Variants in USP22 observed in about 807,000 individuals in gnomAD.
USP22 encodes ubiquitin carboxyl-terminal hydrolase 22.
A neutral mutation model predicts 68.1 loss-of-function variants in USP22; 22 were observed. The observed-to-expected ratio is 0.32, with a 90% CI of 0.23 to 0.46. The LOEUF (loss-of-function observed/expected upper bound fraction) is 0.46, where lower values mean the gene tolerates loss of function less well. USP22 is among the 20% of genes least tolerant of loss of function. The probability of loss-of-function intolerance (pLI) is 1.00; values close to 1 mark genes in which losing one functional copy is unlikely to be tolerated. For synonymous variants in USP22, 279 were observed against 274.2 expected (o/e 1.02, Z -0.17); for missense variants, 433 against 695.8 (o/e 0.62, Z 4.25).
Position 21,042,980 on chromosome 17 carries a change from G to T in USP22, c.-145C>A, listed in dbSNP as rs537880208. 525 of 414,500 alleles carry T rather than the reference G, an allele frequency of 1.3e-3. No homozygotes were observed. Among genetic ancestry groups the T allele is most frequent in the Non-Finnish European group, 1.8e-3 (452 of 257,922 alleles). The allele number at this position is 414,500 out of a possible 1,614,324, so 25.7% of individuals were successfully genotyped here. A position where few individuals can be genotyped will look rare whatever the true frequency, so the allele number is the denominator to read the frequency against. ...AAAGCGCGGAGGCCGGACAAAGATG[G>T]GGCTGCGCGATCGCCGAGGGGAGGC... On this transcript the variant is annotated 5_prime_UTR_variant, in exon 1 of 13. Transcript: ENST00000261497.
chr17:21,024,583 C>T (rs1013134785), intron 2 of USP22, among the ~76,000 whole-genome samples: 3 of 152,130 alleles, frequency 2.0e-5, no homozygotes. Context: ...ATATAAAACT[C>T]GTAGAAGAAA....
At chr17:21,026,993 C>T (rs561582145) in intron 2 of USP22, among the ~76,000 whole-genome samples, 21 of 151,934 alleles carry the variant, frequency 1.4e-4, no homozygotes, top group Non-Finnish European at 2.8e-4. Flanking sequence ...TTAGTAGAGA[C>T]GGGGTTTCAC....
At chr17:21,004,630 T>C (rs1750375270) in intron 11 of USP22, among the ~76,000 whole-genome samples, 1 of 152,186 alleles carries the variant, frequency 6.6e-6, no homozygotes, top group Admixed American at 6.5e-5. Flanking sequence ...CAGCCTTTCA[T>C]ACTTTCTACA....
At chr17:21,017,813 A>C in intron 5 of USP22, 129 bp downstream of exon 5, 3 of 1,205,134 alleles carry the variant, frequency 2.5e-6, no homozygotes, top group Non-Finnish European at 3.4e-6. Flanking sequence ...AGACATGTAT[A>C]TTAAACATTA....
chr17:21,014,837 G>C (rs1381028219), intron 6 of USP22, among the ~76,000 whole-genome samples: 1 of 152,248 alleles, frequency 6.6e-6, no homozygotes, highest in East Asian at 1.9e-4. Context: ...CAAGCAGCCA[G>C]GTGCCCTGTG....
chr17:21,030,571 G>A (rs1363111932), intron 1 of USP22, among the ~76,000 whole-genome samples: 3 of 152,238 alleles, frequency 2.0e-5, no homozygotes, highest in African/African-American at 7.2e-5. Flanking sequence ...CACAGAGCAG[G>A]CAAGTGCAGA....
chr17:21,036,048 A>G (rs1972351138), intron 1 of USP22, among the ~76,000 whole-genome samples: 1 of 151,428 alleles, frequency 6.6e-6, no homozygotes, highest in East Asian at 1.9e-4. Flanking sequence ...AAAAAAAAAA[A>G]AAAAAAAGGA....
At chr17:21,028,846 A>C (rs2291038) in intron 1 of USP22, among the ~76,000 whole-genome samples, 172 bp from the exon 2 acceptor site, 7 of 152,026 alleles carry the variant, frequency 4.6e-5, no homozygotes, top group Non-Finnish European at 8.8e-5. Flanking sequence ...AGTTCCCCCA[A>C]ACAGGACTTC....
chr17:21,018,249 G>T lies in USP22; in HGVS notation c.521-138C>A, dbSNP rs1353977461. On this transcript the variant is annotated intron_variant, in intron 4 of 12. Coordinates refer to ENST00000261497, the MANE Select transcript of USP22 (RefSeq NM_015276.2). ...TCAAGCCAGAACACGATGAGATATC[G>T]CATTCTGCTAGTTTTTATGCCACTT... is the stretch of plus-strand genomic sequence containing the variant. 3.8e-6 allele frequency: 3 copies of T among 786,364 alleles called. No individual in the cohort carries two copies. In the East Asian group the frequency reaches 8.7e-5, roughly 23 times the overall value. 48.7% of individuals were successfully genotyped at this position (786,364 alleles called of 1,614,324 possible).
At chr17:21,003,734 T>C (rs964878845) in intron 12 of USP22, among the ~76,000 whole-genome samples, 5 of 152,040 alleles carry the variant, frequency 3.3e-5, no homozygotes, top group Non-Finnish European at 7.4e-5. Context: ...AAACCCCATC[T>C]CTACTAAAAT....
intron 1 of USP22, among the ~76,000 whole-genome samples, chr17:21,034,582 C>G (rs902822108): frequency 2.6e-5 from 4 of 152,210 alleles, no homozygotes; most frequent in African/African-American, 2.4e-5. Flanking sequence ...ACATCCCGCT[C>G]TGTCCCATGA....
In USP22 at chr17:20,999,852, A is replaced by G. The variant is rs1913498865; in HGVS notation, c.*3179T>C. On this transcript the variant is annotated 3_prime_UTR_variant, in exon 13 of 13. Coordinates refer to ENST00000261497, the MANE Select transcript of USP22 (RefSeq NM_015276.2). ...TGAAGAGCATACACACCAAGCCAAA[A>G]TACAATAGCACTCAGGTCTATATGT... 1 of 152,258 alleles carries G rather than the reference A, an allele frequency of 6.6e-6. No individual in the cohort carries two copies. Among genetic ancestry groups the G allele is most frequent in the Non-Finnish European group, 1.5e-5 (1 of 68,044 alleles). The allele number at this position is 152,258 out of a possible 1,614,324, so 9.4% of individuals were successfully genotyped here.
At chr17:21,032,899 A>C (rs1972307229) in intron 1 of USP22, among the ~76,000 whole-genome samples, 1 of 139,430 alleles carries the variant, frequency 7.2e-6, no homozygotes, top group Non-Finnish European at 1.5e-5. Context: ...CTCTAGCCTG[A>C]GCAACAGAAC....
chr17:21,035,979 C>T (rs767468761), intron 1 of USP22, among the ~76,000 whole-genome samples: 1 of 138,926 alleles, frequency 7.2e-6, no homozygotes, highest in African/African-American at 2.9e-5. Context: ...TGCAGTGAGC[C>T]GAGATCGCAC....
chr17:21,027,924 C>T (rs563286777), intron 2 of USP22, among the ~76,000 whole-genome samples: 5 of 152,284 alleles, frequency 3.3e-5, no homozygotes, highest in African/African-American at 1.2e-4. Flanking sequence ...GCCAAGATCA[C>T]ACCACCGCAC....
In USP22 at chr17:21,003,036, C is replaced by T. The variant is rs769050474; in HGVS notation, c.1573G>A (p.Glu525Lys). Reference protein sequence around the residue: ...LFYHKQFLEYE With the variant: ...LFYHKQFLEYK ...CTGACCAGCTGCAGATAAGGCTACT[C>T]GTATTCCAGGAACTGTTTGTGATAG... The change falls in exon 13 of 13, where the codon GAG becomes AAG. Residue 525 changes from glutamate (E) to lysine (K), a missense_variant. This residue lies in a region of USP22 where 178 missense variants were observed against 351.5 expected (regional missense o/e 0.51). Coordinates refer to ENST00000261497, the MANE Select transcript of USP22 (RefSeq NM_015276.2). 1.4e-5 allele frequency: 22 copies of T among 1,613,714 alleles called. No individual in the cohort carries two copies. Among genetic ancestry groups the T allele is most frequent in the East Asian group, 6.7e-5 (3 of 44,882 alleles).
chr17:21,029,814 T>G (rs1430003917), intron 1 of USP22, among the ~76,000 whole-genome samples: 3 of 152,198 alleles, frequency 2.0e-5, no homozygotes, highest in Admixed American at 2.0e-4. Context: ...TATGAGTCTA[T>G]TTACATGAAA....
intron 1 of USP22, among the ~76,000 whole-genome samples, chr17:21,041,281 C>T (rs1203664203): frequency 6.6e-6 from 1 of 152,128 alleles, no homozygotes; most frequent in Non-Finnish European, 1.5e-5. Flanking sequence ...AGACATAACG[C>T]TACCTGATAC....
At chr17:21,017,318 C>A (rs1201627535) in intron 5 of USP22, among the ~76,000 whole-genome samples, 1 of 152,228 alleles carries the variant, frequency 6.6e-6, no homozygotes, top group African/African-American at 2.4e-5. Flanking sequence ...CAGGCACCAG[C>A]CTGCTTATTA....
Sources: gnomAD v4.1 joint callset for allele counts (sites outside exome capture counted in the v4.1 genomes callset) on GRCh38, gnomAD v4.1.1 for gene constraint, gnomAD v4.1.1 regional missense constraint, MANE v1.5 for transcripts, NCBI Gene and HGNC (gene_info 2026-07-23, HGNC 2026-07-21) for gene names.